HS6ST3: variants seen among roughly 807,000 people sequenced by gnomAD.
HS6ST3 encodes heparan sulfate 6-O-sulfotransferase 3.
In HS6ST3, 12 loss-of-function variants were observed where a neutral mutation model predicts 36.7. The observed-to-expected ratio is 0.33, with a 90% CI of 0.21 to 0.53. The LOEUF (loss-of-function observed/expected upper bound fraction) is 0.53, where lower values mean the gene tolerates loss of function less well. Among genes scored for constraint, HS6ST3 ranks in the 20% least tolerant of loss-of-function variants. The pLI is 0.95. For missense variants in HS6ST3, 584 were observed against 640.9 expected (o/e 0.91, Z 0.96); for synonymous variants, 240 against 257.5 (o/e 0.93, Z 0.65).
At chr13:96,112,789 CAT>C (rs2053877050) in intron 1 of HS6ST3, among the ~76,000 whole-genome samples, 1 of 140,788 alleles carries the variant, frequency 7.1e-6, no homozygotes, top group African/African-American at 2.6e-5. Context: ...AACAGTGAAA[CAT>C]GTATAGTGAA....
chr13:96,513,417 A>G (rs1313196805), intron 1 of HS6ST3, among the ~76,000 whole-genome samples: 2 of 152,018 alleles, frequency 1.3e-5, no homozygotes, highest in East Asian at 1.9e-4. Flanking sequence ...TCATGTCTGT[A>G]TGCATTGCCA....
At chr13:96,642,966 A>G (rs936987993) in intron 1 of HS6ST3, among the ~76,000 whole-genome samples, 1 of 151,486 alleles carries the variant, frequency 6.6e-6, no homozygotes, top group Non-Finnish European at 1.5e-5. Context: ...GTTTCTTTGC[A>G]TGTTTTGTAA....
At chr13:96,179,756 A>T (rs1400844375) in intron 1 of HS6ST3, among the ~76,000 whole-genome samples, 1 of 152,054 alleles carries the variant, frequency 6.6e-6, no homozygotes, top group Non-Finnish European at 1.5e-5. Context: ...TAGGAATAGC[A>T]ATCATTTATT....
chr13:96,175,510 A>G (rs2054208312), intron 1 of HS6ST3, among the ~76,000 whole-genome samples: 1 of 152,070 alleles, frequency 6.6e-6, no homozygotes, highest in South Asian at 2.1e-4. Context: ...TTTTTTTAAA[A>G]AAAATATTTC....
At position 96,402,390 on chromosome 13, in the gene HS6ST3, A is replaced by G. The variant is rs560333165; in HGVS notation, c.707+310821A>G. On this transcript the variant is annotated intron_variant, in intron 1 of 1. Coordinates refer to ENST00000376705, the MANE Select transcript of HS6ST3 (RefSeq NM_153456.4). ...ATATAAGTTTTAACTATTATTATTA[A>G]GTGCTTTAGAATGGTTAATAATATG... Among the ~76,000 whole-genome samples the G allele has an allele frequency of 2.6e-5, 4 of 152,312 alleles. No homozygotes were observed. In the East Asian group the frequency reaches 7.7e-4, roughly 29 times the overall value.
intron 1 of HS6ST3, among the ~76,000 whole-genome samples, chr13:96,246,198 C>T (rs1292843206): frequency 6.6e-6 from 1 of 152,102 alleles, no homozygotes; most frequent in Non-Finnish European, 1.5e-5. Context: ...TAGTCCAGTA[C>T]TTTAACAATT....
chr13:96,730,576 A>AT lies in HS6ST3; in HGVS notation c.708-101905dup, dbSNP rs575695249. On this transcript the variant is annotated intron_variant, in intron 1 of 1. Transcript: ENST00000376705. ...GTGTATTTATCATGTACAATGTGAT[A>AT]TTTTTTTTTGAGACAGGGTCTCACC... Among the ~76,000 whole-genome samples the AT allele has an allele frequency of 6.0e-5, 9 of 151,046 alleles. No individual in the cohort carries two copies. In the East Asian group the frequency reaches 7.8e-4, roughly 13 times the overall value.
intron 1 of HS6ST3, among the ~76,000 whole-genome samples, chr13:96,560,763 G>A (rs973664215): frequency 2.6e-5 from 4 of 152,046 alleles, no homozygotes; most frequent in Non-Finnish European, 4.4e-5. Context: ...AATCAAGAAC[G>A]TAATGCCATT....
intron 1 of HS6ST3, among the ~76,000 whole-genome samples, chr13:96,735,168 T>A (rs906546810): frequency 6.6e-6 from 1 of 152,136 alleles, no homozygotes; most frequent in South Asian, 2.1e-4. Context: ...AATGTGCTAT[T>A]TACCTGCACA....
At chr13:96,149,325 TA>T (rs2054073283) in intron 1 of HS6ST3, among the ~76,000 whole-genome samples, 1 of 152,214 alleles carries the variant, frequency 6.6e-6, no homozygotes, top group South Asian at 2.1e-4. Flanking sequence ...AATGAAAGTT[TA>T]TTTTTTATTA....
chr13:96,510,811 T>C (rs1315752907), intron 1 of HS6ST3, among the ~76,000 whole-genome samples: 1 of 152,214 alleles, frequency 6.6e-6, no homozygotes, highest in Non-Finnish European at 1.5e-5. Context: ...GTTTGATGTA[T>C]ATCTCATGCA....
chr13:96,411,573 A>G (rs185068119), intron 1 of HS6ST3, among the ~76,000 whole-genome samples: 1 of 152,202 alleles, frequency 6.6e-6, no homozygotes, highest in Non-Finnish European at 1.5e-5. Context: ...CCAAGACTTC[A>G]TCTTGCAAGA....
chr13:96,476,653 G>T (rs1055811923), intron 1 of HS6ST3, among the ~76,000 whole-genome samples: 1 of 152,160 alleles, frequency 6.6e-6, no homozygotes, highest in Non-Finnish European at 1.5e-5. Flanking sequence ...GAGCCATCGC[G>T]CCTGGCCGAG....
chr13:96,710,373 C>T (rs890651107), intron 1 of HS6ST3, among the ~76,000 whole-genome samples: 2 of 152,244 alleles, frequency 1.3e-5, no homozygotes, highest in Non-Finnish European at 2.9e-5. Context: ...GTCATGCCTG[C>T]ATCCCACACC....
intron 1 of HS6ST3, among the ~76,000 whole-genome samples, chr13:96,252,074 T>C (rs949203408): frequency 6.6e-6 from 1 of 152,210 alleles, no homozygotes; most frequent in African/African-American, 2.4e-5. Flanking sequence ...TGGCATATAG[T>C]GTTATTCAAG....
rs544007499 is a variant in HS6ST3, at chr13:96,400,317, A to G, written c.707+308748A>G. Among the ~76,000 whole-genome samples the G allele has an allele frequency of 4.5e-3, 658 of 145,486 alleles. 3 individuals carry two copies. The highest frequency in any genetic ancestry group is 0.018 in the South Asian group (85 of 4,764). On this transcript the variant is annotated intron_variant, in intron 1 of 1. Coordinates refer to ENST00000376705, the MANE Select transcript of HS6ST3 (RefSeq NM_153456.4). The stretch of plus-strand genomic sequence containing the variant: ...CACACAGACACACAGATACACACAC[A>G]CACACACACACACACACACACATAC...
intron 1 of HS6ST3, among the ~76,000 whole-genome samples, chr13:96,273,696 C>T (rs139551830): frequency 0.011 from 1,626 of 150,440 alleles, 45 homozygotes; most frequent in African/African-American, 0.039. Context: ...GTGCAAGTAT[C>T]GGTTAGGTTT....
chr13:96,466,273 T>TATC (rs572348477), intron 1 of HS6ST3, among the ~76,000 whole-genome samples: 100 of 87,354 alleles, frequency 1.1e-3, no homozygotes, highest in African/African-American at 2.8e-3. Flanking sequence ...AGAGTGAGAC[T>TATC]ATCTCAAAAA....
At chr13:96,360,945 CA>C (rs1555300657) in intron 1 of HS6ST3, among the ~76,000 whole-genome samples, 3,129 of 130,824 alleles carry the variant, frequency 0.024, 49 homozygotes, top group East Asian at 0.069. Flanking sequence ...GACCCTGTCC[CA>C]AAAAAAAAAA....
Sources: allele counts gnomAD v4.1 joint callset (sites outside exome capture counted in the v4.1 genomes callset), GRCh38; gene constraint gnomAD v4.1.1; transcripts MANE v1.5; gene names NCBI Gene and HGNC (gene_info 2026-07-23, HGNC 2026-07-21).